The following TPO variants were observed in gnomAD, a reference collection of about 807,000 sequenced individuals.
The protein encoded by TPO is thyroid peroxidase.
Under a neutral mutation model 96.9 loss-of-function variants are expected in TPO, and 78 were observed. The observed-to-expected ratio is 0.81, with a 90% CI of 0.67 to 0.97. The LOEUF (loss-of-function observed/expected upper bound fraction) is 0.97, where lower values mean the gene tolerates loss of function less well. TPO is among the 50% of genes least tolerant of loss of function. The probability of loss-of-function intolerance (pLI) is 0.00; values close to 1 mark genes in which losing one functional copy is unlikely to be tolerated. For missense variants in TPO, 1,252 were observed against 1,274.8 expected, an observed-to-expected ratio of 0.98 and a Z score of 0.27; for synonymous variants, 547 against 538.0, an observed-to-expected ratio of 1.02 and a Z score of -0.23.
intron 2 of TPO, among the ~76,000 whole-genome samples, chr2:1,421,560 T>A (rs1405997487): frequency 3.9e-5 from 6 of 152,220 alleles, no homozygotes; most frequent in Admixed American, 3.9e-4. Context: ...GGCTGGTTAC[T>A]GCATTTGGCA....
At position 1,537,526 on chromosome 2, in the gene TPO, C is replaced by CCCAAATTCTTCCACTCTGTGCA. The variant is rs1680075208; in HGVS notation, c.2619-3068_2619-3067insCCAAATTCTTCCACTCTGTGCA. Among the ~76,000 whole-genome samples the CCCAAATTCTTCCACTCTGTGCA allele has an allele frequency of 2.1e-3, 156 of 75,642 alleles. 1 individual carries two copies. Among genetic ancestry groups the CCCAAATTCTTCCACTCTGTGCA allele is most frequent in the African/African-American group, 6.7e-3 (115 of 17,146 alleles). The allele number at this position is 75,642 out of a possible 152,430, so 49.6% of individuals were successfully genotyped here. A position where few individuals can be genotyped will look rare whatever the true frequency, so the allele number is the denominator to read the frequency against. ...AATCCCCCCAACTCTGTGCAACCTCCGCCTATCCCCCCCAGTGTGCAACCT... is the reference window on the plus strand; with the variant it reads ...AATCCCCCCAACTCTGTGCAACCTCCCCAAATTCTTCCACTCTGTGCAGCCTATCCCCCCCAGTGTGCAACCT... On this transcript the variant is annotated intron_variant, in intron 15 of 16. Transcript: ENST00000329066.
At chr2:1,484,467 C>A in intron 8 of TPO, 129 bp from the exon 9 acceptor site, 2 of 1,203,308 alleles carry the variant, frequency 1.7e-6, no homozygotes, top group Non-Finnish European at 2.4e-6. Flanking sequence ...CAGCTGAGGC[C>A]CTTATTACAA....
intron 6 of TPO, among the ~76,000 whole-genome samples, chr2:1,454,333 G>A (rs982133915): frequency 1.3e-5 from 2 of 152,152 alleles, no homozygotes; most frequent in African/African-American, 4.8e-5. Context: ...GTTTGCTCTT[G>A]TGCCATGTTC....
intron 15 of TPO, among the ~76,000 whole-genome samples, chr2:1,522,859 C>G (rs1289100799): frequency 9.1e-6 from 1 of 110,352 alleles, no homozygotes; most frequent in Non-Finnish European, 1.9e-5. Flanking sequence ...CTGGGTGCAA[C>G]CTCCTCAAAT....
intron 1 of TPO, among the ~76,000 whole-genome samples, chr2:1,393,473 T>C (rs1662034774): frequency 1.3e-5 from 2 of 152,104 alleles, no homozygotes; most frequent in Admixed American, 1.3e-4. Context: ...GTGGAAGAGG[T>C]GGGTGTTGGG....
intron 15 of TPO, among the ~76,000 whole-genome samples, chr2:1,520,912 GTC>G (rs1675189117): frequency 6.6e-6 from 1 of 152,184 alleles, no homozygotes; most frequent in African/African-American, 2.4e-5. Context: ...GACTTTGTCT[GTC>G]TGTTGATTCT....
At chr2:1,470,051 T>C (rs1431148165) in intron 7 of TPO, among the ~76,000 whole-genome samples, 1 of 152,196 alleles carries the variant, frequency 6.6e-6, no homozygotes, top group Admixed American at 6.5e-5. Context: ...CAAATTTCTC[T>C]GCAGCAATGA....
chr2:1,391,612 G>A (rs1334804143), intron 1 of TPO, among the ~76,000 whole-genome samples: 1 of 152,138 alleles, frequency 6.6e-6, no homozygotes, highest in Non-Finnish European at 1.5e-5. Context: ...GGGCAGTATG[G>A]CCATTTTCAC....
At chr2:1,415,423 C>A (rs570180914) in intron 2 of TPO, among the ~76,000 whole-genome samples, 2 of 125,604 alleles carry the variant, frequency 1.6e-5, no homozygotes, top group African/African-American at 3.1e-5. Flanking sequence ...GACAGCTCAC[C>A]GGGCAGGTCC....
At chr2:1,458,014 AGT>A (rs1668022416) in intron 7 of TPO, among the ~76,000 whole-genome samples, 1 of 150,258 alleles carries the variant, frequency 6.7e-6, no homozygotes, top group South Asian at 2.1e-4. Flanking sequence ...CATATAAGAT[AGT>A]GTGTGGGCAC....
chr2:1,470,257 G>T (rs901973183), intron 7 of TPO, among the ~76,000 whole-genome samples: 2 of 152,104 alleles, frequency 1.3e-5, no homozygotes, highest in African/African-American at 2.4e-5. Context: ...GTTTACTTGA[G>T]CCAAAATGAG....
rs1279004910 is a variant in TPO at position 1,422,947 on chromosome 2, C to T, written c.95-98C>T. 10 of 1,338,516 alleles carry T rather than the reference C, an allele frequency of 7.5e-6. No homozygotes were observed. In the African/African-American group the frequency reaches 1.2e-4, roughly 15 times the overall value. 82.9% of individuals were successfully genotyped at this position (1,338,516 alleles called of 1,614,324 possible). On this transcript the variant is annotated intron_variant, in intron 2 of 16. Coordinates refer to ENST00000329066, the MANE Select transcript of TPO (RefSeq NM_001206744.2). ...CTGCCTGTCCCGGAAGCCACGTGGG[C>T]ATCACCGCAGCAAGATGGGCTTGAG... is the stretch of plus-strand genomic sequence containing the variant.
At chr2:1,533,325 TCAAATCCCCCCACTGTGTGCAACCTTCC>T (rs1678779455) in intron 15 of TPO, among the ~76,000 whole-genome samples, 4 of 15,994 alleles carry the variant, frequency 2.5e-4, no homozygotes, top group African/African-American at 5.9e-4. Context: ...CGCAACCTCC[TCAAATCCCCCCACTGTGTGCAACCTTCC>T]CAAATCCCCC....
chr2:1,509,773 C>G (rs1161989673), intron 14 of TPO, among the ~76,000 whole-genome samples: 1 of 151,628 alleles, frequency 6.6e-6, no homozygotes, highest in African/African-American at 2.4e-5. Context: ...TTCAGGGACA[C>G]CCTACCCTTT....
chr2:1,472,576 G>A (rs747470850), intron 7 of TPO, among the ~76,000 whole-genome samples: 4 of 152,084 alleles, frequency 2.6e-5, no homozygotes, highest in Non-Finnish European at 4.4e-5. Context: ...CCCTGCTTAC[G>A]GCTGGACTGT....
Position 1,538,266 on chromosome 2 carries a change from C to T in TPO, c.2619-2328C>T, listed in dbSNP as rs560893891. Among the ~76,000 whole-genome samples, 35 of 152,136 alleles carry T rather than the reference C, an allele frequency of 2.3e-4. 1 individual carries two copies. The highest frequency in any genetic ancestry group is 1.5e-3 in the Admixed American group (23 of 15,268). ...ATTAGTAAGAGTGCAGTTAATATTT[C>T]TCATCTTAAGGTGGTGCTCCGACCT... On this transcript the variant is annotated intron_variant, in intron 15 of 16. Coordinates refer to ENST00000329066, the MANE Select transcript of TPO (RefSeq NM_001206744.2).
chr2:1,465,063 A>C (rs1325857301), intron 7 of TPO, among the ~76,000 whole-genome samples: 1 of 151,998 alleles, frequency 6.6e-6, no homozygotes, highest in Non-Finnish European at 1.5e-5. Context: ...ATCCATCTTG[A>C]GTTGTTTTTG....
chr2:1,479,199 G>T (rs1405475298), intron 8 of TPO, among the ~76,000 whole-genome samples: 1 of 152,230 alleles, frequency 6.6e-6, no homozygotes, highest in Non-Finnish European at 1.5e-5. Context: ...CACGCGTGGG[G>T]AGGCAGGTCC....
intron 16 of TPO, 114 bp from the exon 17 acceptor site, chr2:1,542,307 G>T (rs28915685): frequency 1.4e-6 from 2 of 1,392,646 alleles, no homozygotes; most frequent in Non-Finnish European, 2.0e-6. Context: ...TCTCGCCAGC[G>T]GTCCTTTGTG....
Sources: allele counts gnomAD v4.1 joint callset (sites outside exome capture counted in the v4.1 genomes callset), GRCh38; gene constraint gnomAD v4.1.1; transcripts MANE v1.5; gene names NCBI Gene and HGNC (gene_info 2026-07-23, HGNC 2026-07-21).